Variants in GDA observed in about 807,000 individuals in gnomAD.
GDA encodes guanine deaminase, also known as cytoplasmic PSD-95 interactor.
Under a neutral mutation model 59.6 loss-of-function variants are expected in GDA, and 18 were observed. The ratio of observed to expected loss-of-function variants is 0.30; its 90% CI spans 0.21 to 0.45. The LOEUF (loss-of-function observed/expected upper bound fraction) is 0.45, where lower values mean the gene tolerates loss of function less well. Ranked by LOEUF, GDA falls within the 20% of genes least tolerant of loss-of-function variation. The probability of loss-of-function intolerance (pLI) is 1.00; values close to 1 mark genes in which losing one functional copy is unlikely to be tolerated. For missense variants in GDA, 427 were observed against 552.3 expected, an observed-to-expected ratio of 0.77 and a Z score of 2.27; for synonymous variants, 201 against 201.1, an observed-to-expected ratio of 1.00 and a Z score of 0.00.
chr9:72,155,134 G>A (rs1257737679), intron 1 of GDA, among the ~76,000 whole-genome samples: 1 of 152,176 alleles, frequency 6.6e-6, no homozygotes, highest in Non-Finnish European at 1.5e-5. Flanking sequence ...CTGAGACTGG[G>A]AAGAAAAAGA....
downstream of GDA, among the ~76,000 whole-genome samples, chr9:72,254,451 AAAAAAAAC>A (rs1453928252): frequency 6.0e-5 from 9 of 149,270 alleles, no homozygotes; most frequent in African/African-American, 1.7e-4. Context: ...ATGCAATTAA[AAAAAAAAC>A]AAAAAAACAA....
In GDA at chr9:72,140,365, AAGG is replaced by A. The variant is rs562807363; in HGVS notation, c.-100+25535_-100+25537del. 1.4e-4 allele frequency among the ~76,000 whole-genome samples: 22 copies of A among 152,150 alleles called. 1 individual carries two copies. In the South Asian group the frequency reaches 4.6e-3, roughly 32 times the overall value. The stretch of plus-strand genomic sequence containing the variant: ...AGAATGGAGTCTGTGTGGAAGAGAG[AAGG>A]AGAAGGGAAGAGCGGGAAAAGAGGA... On this transcript the variant is annotated intron_variant, in intron 1 of 13. Coordinates refer to the GDA transcript ENST00000545168.
intron 11 of GDA, among the ~76,000 whole-genome samples, chr9:72,243,095 G>A (rs936930127): frequency 5.9e-5 from 9 of 152,120 alleles, no homozygotes; most frequent in African/African-American, 1.9e-4. Flanking sequence ...TTAAAGTGTG[G>A]CATTTTCCCA....
At chr9:72,256,693 G>T (rs770024593), downstream of GDA, among the ~76,000 whole-genome samples, 3 of 152,304 alleles carry the variant, frequency 2.0e-5, no homozygotes, top group East Asian at 1.9e-4. Context: ...TCCAGTCTTC[G>T]TAAGAATCAC....
At chr9:72,120,884 A>G (rs772883277) in intron 1 of GDA, among the ~76,000 whole-genome samples, 1 of 152,062 alleles carries the variant, frequency 6.6e-6, no homozygotes, top group African/African-American at 2.4e-5. Flanking sequence ...CGACCCTGCA[A>G]ACTTACCAAC....
At chr9:72,159,818 A>T (rs4579592) in intron 1 of GDA, among the ~76,000 whole-genome samples, 52,907 of 152,136 alleles carry the variant, frequency 0.35, 10,371 homozygotes, top group Non-Finnish European at 0.44. Context: ...GCTAGTTTTT[A>T]AAATTTTTGT....
intron 1 of GDA, among the ~76,000 whole-genome samples, chr9:72,125,431 C>T (rs1184669371): frequency 6.7e-6 from 1 of 149,932 alleles, no homozygotes. Flanking sequence ...TCACGACACA[C>T]TGCAACCTTG....
At chr9:72,188,663 C>T (rs1308834311) in intron 1 of GDA, among the ~76,000 whole-genome samples, 1 of 152,156 alleles carries the variant, frequency 6.6e-6, no homozygotes, top group Non-Finnish European at 1.5e-5. Flanking sequence ...CAATACTGCA[C>T]AAAAATGTGG....
intron 1 of GDA, among the ~76,000 whole-genome samples, chr9:72,180,344 AAG>A (rs927190858): frequency 6.6e-6 from 1 of 152,132 alleles, no homozygotes; most frequent in African/African-American, 2.4e-5. Context: ...GCAACAGAGC[AAG>A]AGTCCCTCTC....
downstream of GDA, among the ~76,000 whole-genome samples, chr9:72,259,672 T>G (rs1004743302): frequency 2.0e-5 from 3 of 152,044 alleles, no homozygotes; most frequent in East Asian, 5.8e-4. Context: ...TTCTGATATA[T>G]GCTGCCCCAA....
At chr9:72,180,164 C>G (rs1367815551) in intron 1 of GDA, among the ~76,000 whole-genome samples, 1 of 152,096 alleles carries the variant, frequency 6.6e-6, no homozygotes, top group Non-Finnish European at 1.5e-5. Flanking sequence ...TGAGACCAGC[C>G]TGGTCAACAT....
At chr9:72,180,012 T>G (rs1016383749) in intron 1 of GDA, among the ~76,000 whole-genome samples, 2 of 148,514 alleles carry the variant, frequency 1.3e-5, no homozygotes, top group Non-Finnish European at 3.0e-5. Context: ...TAAATTGGGG[T>G]GGGAGGGGAG....
chr9:72,167,254 T>A (rs1829427056), intron 1 of GDA, among the ~76,000 whole-genome samples: 1 of 152,146 alleles, frequency 6.6e-6, no homozygotes, highest in South Asian at 2.1e-4. Flanking sequence ...CCTTAACCCC[T>A]CTGGAGTTCC....
At chr9:72,188,476 C>T (rs539059362) in intron 1 of GDA, among the ~76,000 whole-genome samples, 1 of 152,340 alleles carries the variant, frequency 6.6e-6, no homozygotes, top group African/African-American at 2.4e-5. Flanking sequence ...TCAGAAGATG[C>T]AAGTGGCAAA....
chr9:72,245,119 C>T, intron 11 of GDA, 29 bp from the exon 12 acceptor site: 1 of 1,611,336 alleles, frequency 6.2e-7, no homozygotes. Flanking sequence ...GCTTGCAATC[C>T]TGACTGTTTA....
At chr9:72,151,611 T>G (rs1287999703) in intron 1 of GDA, among the ~76,000 whole-genome samples, 1 of 152,028 alleles carries the variant, frequency 6.6e-6, no homozygotes, top group Non-Finnish European at 1.5e-5. Flanking sequence ...GGTTTTTTTT[T>G]GTTTGTTTTT....
chr9:72,247,483 G>C, intron 13 of GDA, 50 bp downstream of exon 13: 1 of 985,130 alleles, frequency 1.0e-6, no homozygotes, highest in Non-Finnish European at 1.6e-6. Flanking sequence ...ACCTTTCCCT[G>C]TCTTTTTCTT....
intron 1 of GDA, among the ~76,000 whole-genome samples, chr9:72,143,078 T>G (rs904213742): frequency 1.3e-5 from 2 of 151,296 alleles, no homozygotes; most frequent in African/African-American, 4.9e-5. Context: ...TAGAATACCT[T>G]TATAATCCAT....
At chr9:72,155,577 G>C (rs1445566757) in intron 1 of GDA, among the ~76,000 whole-genome samples, 1 of 152,196 alleles carries the variant, frequency 6.6e-6, no homozygotes, top group Non-Finnish European at 1.5e-5. Context: ...TGAGGAGAAG[G>C]CTAACACAGG....
Sources: allele counts gnomAD v4.1 joint callset (sites outside exome capture counted in the v4.1 genomes callset), GRCh38; gene constraint gnomAD v4.1.1; transcripts MANE v1.5; gene names NCBI Gene and HGNC (gene_info 2026-07-23, HGNC 2026-07-21).